Variants in PRDM16 observed in about 807,000 individuals in gnomAD.
PRDM16 encodes histone-lysine N-methyltransferase PRDM16.
A neutral mutation model predicts 110.6 loss-of-function variants in PRDM16; 23 were observed. The ratio of observed to expected loss-of-function variants is 0.21; its 90% confidence interval spans 0.15 to 0.29. The LOEUF is 0.29. PRDM16 is among the 10% of genes least tolerant of loss of function. The probability of loss-of-function intolerance (pLI) is 1.00; values close to 1 mark genes in which losing one functional copy is unlikely to be tolerated. For synonymous variants in PRDM16, 799 were observed against 781.8 expected, an observed-to-expected ratio of 1.02 and a Z score of -0.37; for missense variants, 1,615 against 1,794.3, an observed-to-expected ratio of 0.90 and a Z score of 1.81.
intron 12 of PRDM16, among the ~76,000 whole-genome samples, chr1:3,424,643 C>T (rs1290120315): frequency 6.6e-6 from 1 of 152,244 alleles, no homozygotes; most frequent in African/African-American, 2.4e-5. Context: ...TCTTTGTGTC[C>T]TTAATAGAGG....
chr1:3,264,675 G>A (rs760676675), intron 3 of PRDM16, among the ~76,000 whole-genome samples: 23 of 146,920 alleles, frequency 1.6e-4, no homozygotes, highest in Non-Finnish European at 2.6e-4. Context: ...AGGGGCATCT[G>A]AGGACCCCAG....
At chr1:3,128,724 G>A (rs938635282) in intron 1 of PRDM16, among the ~76,000 whole-genome samples, 4 of 151,660 alleles carry the variant, frequency 2.6e-5, no homozygotes, top group Non-Finnish European at 5.9e-5. Flanking sequence ...ATCCCACCCG[G>A]GTCGGTGGCT....
intron 3 of PRDM16, among the ~76,000 whole-genome samples, chr1:3,354,027 G>A (rs554880799): frequency 1.3e-5 from 2 of 152,344 alleles, no homozygotes; most frequent in African/African-American, 2.4e-5. Flanking sequence ...GCCCAGCCAC[G>A]CCCATGGAAC....
In PRDM16 at chr1:3,358,959, G is replaced by T. The variant is rs547270530; in HGVS notation, c.439-26193G>T. On this transcript the variant is annotated intron_variant, in intron 3 of 16. Transcript: ENST00000270722. The surrounding 1 kb of genome is among the most constrained non-coding windows in gnomAD (Gnocchi z 4.0). Reference sequence around the variant, plus strand: ...GGAATCAGAGGGGGAAAGCACAGCCGCTGTGGCTCATGTTGTCATCTTGGG... The same window carrying T: ...GGAATCAGAGGGGGAAAGCACAGCCTCTGTGGCTCATGTTGTCATCTTGGG... 6.6e-6 allele frequency among the ~76,000 whole-genome samples: 1 copy of T among 152,226 alleles called. No individual in the cohort carries two copies. Among genetic ancestry groups the T allele is most frequent in the African/African-American group, 2.4e-5 (1 of 41,458 alleles).
chr1:3,132,202 T>TA, intron 1 of PRDM16, among the ~76,000 whole-genome samples: 1 of 152,284 alleles, frequency 6.6e-6, no homozygotes, highest in East Asian at 1.9e-4. Flanking sequence ...GATGAAGGGT[T>TA]ACACGGCGGT....
At chr1:3,178,301 C>T (rs78526255) in intron 1 of PRDM16, among the ~76,000 whole-genome samples, 5,914 of 152,250 alleles carry the variant, frequency 0.039, 223 homozygotes, top group East Asian at 0.2. Flanking sequence ...GTCTCGAACA[C>T]AGTCCTTCTG....
At chr1:3,330,055 C>A (rs1371909422) in intron 3 of PRDM16, among the ~76,000 whole-genome samples, 1 of 152,242 alleles carries the variant, frequency 6.6e-6, no homozygotes, top group Admixed American at 6.5e-5. Context: ...ATGGCAGAGT[C>A]TGCCCAGAGA....
chr1:3,411,582 C>A lies in PRDM16; in HGVS notation c.1385C>A (p.Pro462His). The A allele has an allele frequency of 1.2e-6, 2 of 1,614,070 alleles. No homozygotes were observed. The highest frequency in any genetic ancestry group is 2.7e-5 in the African/African-American group (2 of 75,038). The change falls in exon 9 of 17, where the codon CCC becomes CAC. Residue 462 changes from proline (P) to histidine (H), a missense_variant. Physicochemically the swap from Pro to His is moderately conservative, Grantham distance 77. Coordinates refer to ENST00000270722, the MANE Select transcript of PRDM16 (RefSeq NM_022114.4). Reference sequence around the variant, plus strand: ...GGCGGCATCTTTGCCCCGGGCCTGCCCTTGACCCCCAGCCCCATGATGGAC... The same window carrying A: ...GGCGGCATCTTTGCCCCGGGCCTGCACTTGACCCCCAGCCCCATGATGGAC... The part of the protein sequence containing the change: ...TPGGIFAPGL[P>H]LTPSPMMDKA...
intron 1 of PRDM16, among the ~76,000 whole-genome samples, chr1:3,112,588 G>A (rs1034127031): frequency 6.6e-6 from 1 of 152,214 alleles, no homozygotes; most frequent in African/African-American, 2.4e-5. Context: ...GCAGCCTGCA[G>A]CTCCAACCCA....
chr1:3,425,867 C>T lies in PRDM16; in HGVS notation c.3109+117C>T. The T allele has an allele frequency of 1.5e-6, 2 of 1,341,470 alleles. No homozygotes were observed. Among genetic ancestry groups the T allele is most frequent in the South Asian group, 2.7e-5 (2 of 73,850 alleles). The allele number at this position is 1,341,470 out of a possible 1,614,324, so 83.1% of individuals were successfully genotyped here. A position where few individuals can be genotyped will look rare whatever the true frequency, so the allele number is the denominator to read the frequency against. On this transcript the variant is annotated intron_variant, in intron 13 of 16. Coordinates refer to ENST00000270722, the MANE Select transcript of PRDM16 (RefSeq NM_022114.4). The surrounding 1 kb of genome is among the most constrained non-coding windows in gnomAD (Gnocchi z 6.9). ...GCAGGGAAGAGGGCCACAGACTACCCCTCAGGAAGCCAACAGGCACCCCTC... is the reference window on the plus strand; with the variant it reads ...GCAGGGAAGAGGGCCACAGACTACCTCTCAGGAAGCCAACAGGCACCCCTC...
chr1:3,270,633 G>GA, intron 3 of PRDM16, among the ~76,000 whole-genome samples: 1 of 122,220 alleles, frequency 8.2e-6, no homozygotes, highest in Non-Finnish European at 1.6e-5. Flanking sequence ...AGGACAGTTG[G>GA]GTAGGACAGT....
chr1:3,125,748 CG>C (rs1291063797), intron 1 of PRDM16, among the ~76,000 whole-genome samples: 1 of 152,228 alleles, frequency 6.6e-6, no homozygotes, highest in African/African-American at 2.4e-5. Context: ...TTGGTCTGCG[CG>C]GGGGGCACTG....
At chr1:3,313,622 G>T (rs570603771) in intron 3 of PRDM16, among the ~76,000 whole-genome samples, 1 of 152,198 alleles carries the variant, frequency 6.6e-6, no homozygotes, top group Non-Finnish European at 1.5e-5. Flanking sequence ...CTGCGCCTGC[G>T]AGGCCGTGCG....
chr1:3,434,464 T>C lies in PRDM16; in HGVS notation c.*653T>C, dbSNP rs1638855373. On this transcript the variant is annotated 3_prime_UTR_variant, in exon 17 of 17. Transcript: ENST00000270722. Reference sequence around the variant, plus strand: ...TATACTGTAGATAATGGAGAAATTTTCTATCTCTGTCCCTATTTGTATAAG... The same window carrying C: ...TATACTGTAGATAATGGAGAAATTTCCTATCTCTGTCCCTATTTGTATAAG... 8.6e-6 allele frequency: 2 copies of C among 231,718 alleles called. No homozygotes were observed. The highest frequency in any genetic ancestry group is 1.3e-3 in the Middle Eastern group (1 of 776). 14.4% of individuals were successfully genotyped at this position (231,718 alleles called of 1,614,324 possible). A position where few individuals can be genotyped will look rare whatever the true frequency, so the allele number is the denominator to read the frequency against.
At chr1:3,156,418 A>G (rs760953168) in intron 1 of PRDM16, among the ~76,000 whole-genome samples, 96 of 152,164 alleles carry the variant, frequency 6.3e-4, no homozygotes, top group Admixed American at 1.1e-3. Flanking sequence ...CATTGCTTCT[A>G]TTTTTATGGC....
intron 9 of PRDM16, among the ~76,000 whole-genome samples, 181 bp from the exon 10 acceptor site, chr1:3,414,379 C>T (rs923076252): frequency 6.6e-6 from 1 of 152,092 alleles, no homozygotes; most frequent in African/African-American, 2.4e-5. Context: ...GCTGGGCTCC[C>T]GACATCCCCA....
chr1:3,312,654 C>T (rs1426925431), intron 3 of PRDM16, among the ~76,000 whole-genome samples: 3 of 152,256 alleles, frequency 2.0e-5, no homozygotes, highest in African/African-American at 7.2e-5. Context: ...GTGCAGAACC[C>T]GGCCTCGGCC....
At chr1:3,378,634 C>T (rs1023246691) in intron 3 of PRDM16, among the ~76,000 whole-genome samples, 5 of 152,106 alleles carry the variant, frequency 3.3e-5, no homozygotes, top group Non-Finnish European at 5.9e-5. Flanking sequence ...CGAGGGGCCT[C>T]GACAGCACCC....
At chr1:3,110,628 G>T (rs1642770923) in intron 1 of PRDM16, among the ~76,000 whole-genome samples, 1 of 152,248 alleles carries the variant, frequency 6.6e-6, no homozygotes, top group Non-Finnish European at 1.5e-5. Flanking sequence ...GACCTAACGT[G>T]GGTGTTTTCT....
Sources: gnomAD v4.1 joint callset for allele counts (sites outside exome capture counted in the v4.1 genomes callset) on GRCh38, gnomAD v4.1.1 for gene constraint, Gnocchi (gnomAD v3.1) non-coding constraint, MANE v1.5 for transcripts, NCBI Gene and HGNC (gene_info 2026-07-23, HGNC 2026-07-21) for gene names.